EPHA6: variants seen among roughly 807,000 people sequenced by gnomAD.
The protein encoded by EPHA6 is EPH receptor A6.
Under a neutral mutation model 112.0 loss-of-function variants are expected in EPHA6, and 50 were observed. The ratio of observed to expected loss-of-function variants is 0.45; its 90% CI spans 0.36 to 0.56. The LOEUF is 0.56. Among genes scored for constraint, EPHA6 ranks in the 20% least tolerant of loss-of-function variants. EPHA6 has a pLI of 0.00. For synonymous variants in EPHA6, 529 were observed against 490.7 expected (o/e 1.08, Z -1.03); for missense variants, 1,280 against 1,417.4 (o/e 0.90, Z 1.56).
intron 5 of EPHA6, among the ~76,000 whole-genome samples, chr3:97,338,055 A>G (rs2083139928): frequency 6.6e-6 from 1 of 152,068 alleles, no homozygotes; most frequent in Non-Finnish European, 1.5e-5. Context: ...GAACTGGAGT[A>G]GTATGAAGAA....
chr3:96,919,855 TA>T (rs1191813363), intron 2 of EPHA6, among the ~76,000 whole-genome samples: 14 of 151,888 alleles, frequency 9.2e-5, no homozygotes, highest in African/African-American at 3.4e-4. Flanking sequence ...AAGGAGTGCA[TA>T]AAAGTCATAG....
intron 11 of EPHA6, among the ~76,000 whole-genome samples, chr3:97,541,183 A>T (rs1304905827): frequency 6.6e-6 from 1 of 152,194 alleles, no homozygotes; most frequent in Non-Finnish European, 1.5e-5. Flanking sequence ...ATTTAATCCA[A>T]TGATGACATT....
chr3:97,714,219 G>A (rs1299733352), intron 14 of EPHA6, among the ~76,000 whole-genome samples: 1 of 152,196 alleles, frequency 6.6e-6, no homozygotes, highest in Non-Finnish European at 1.5e-5. Flanking sequence ...CATAATTAAG[G>A]AAACAGATAA....
At chr3:96,890,515 C>T (rs949728825) in intron 2 of EPHA6, among the ~76,000 whole-genome samples, 1 of 152,054 alleles carries the variant, frequency 6.6e-6, no homozygotes, top group Non-Finnish European at 1.5e-5. Context: ...TTATGTGGTA[C>T]ATATAATATT....
At chr3:97,618,439 A>G (rs2093784574) in intron 13 of EPHA6, among the ~76,000 whole-genome samples, 1 of 151,612 alleles carries the variant, frequency 6.6e-6, no homozygotes, top group African/African-American at 2.4e-5. Flanking sequence ...GAGCTGGGCT[A>G]CAGAGAAATG....
intron 2 of EPHA6, among the ~76,000 whole-genome samples, chr3:96,926,352 G>A (rs2107643499): frequency 6.6e-6 from 1 of 152,212 alleles, no homozygotes; most frequent in African/African-American, 2.4e-5. Flanking sequence ...ATATATTTGG[G>A]TGGGGACACA....
At chr3:97,405,004 C>A in intron 5 of EPHA6, 146 bp from the exon 6 acceptor site, 1 of 834,262 alleles carries the variant, frequency 1.2e-6, no homozygotes, top group Non-Finnish European at 1.9e-6. Context: ...TAGAGCATAT[C>A]GTAAGGCTAT....
At chr3:97,248,810 CTT>C (rs900582006) in intron 5 of EPHA6, among the ~76,000 whole-genome samples, 1 of 152,060 alleles carries the variant, frequency 6.6e-6, no homozygotes, top group African/African-American at 2.4e-5. Context: ...TATTTATAAA[CTT>C]GAGATGTCTA....
chr3:97,586,727 T>TGGATAGAC (rs1553823571), intron 11 of EPHA6, among the ~76,000 whole-genome samples: 3 of 151,464 alleles, frequency 2.0e-5, no homozygotes, highest in African/African-American at 7.3e-5. Context: ...GATGGATGGA[T>TGGATAGAC]AGACAGACAG....
intron 3 of EPHA6, among the ~76,000 whole-genome samples, chr3:97,065,470 C>A (rs2046148398): frequency 6.6e-6 from 1 of 152,022 alleles, no homozygotes; most frequent in African/African-American, 2.4e-5. Flanking sequence ...ACTTACTCTT[C>A]AAAGAAAACC....
At chr3:97,272,318 GTGTGTGTGTGTGTGTACA>G (rs2079911946) in intron 5 of EPHA6, among the ~76,000 whole-genome samples, 1 of 148,864 alleles carries the variant, frequency 6.7e-6, no homozygotes, top group South Asian at 2.1e-4. Context: ...GTGTGTGTGT[GTGTGTGTGTGTGTGTACA>G]TACATATGCA....
At chr3:97,455,971 A>G (rs925357692) in intron 7 of EPHA6, among the ~76,000 whole-genome samples, 13 of 152,124 alleles carry the variant, frequency 8.5e-5, no homozygotes, top group Non-Finnish European at 8.8e-5. Flanking sequence ...AAAATATTAA[A>G]GATCATAACT....
chr3:97,429,618 C>A (rs771696249), intron 6 of EPHA6, among the ~76,000 whole-genome samples: 2 of 150,252 alleles, frequency 1.3e-5, no homozygotes, highest in African/African-American at 2.5e-5. Context: ...ATAGCATATT[C>A]GAAAGTTTAA....
intron 9 of EPHA6, 102 bp downstream of exon 9, chr3:97,479,466 A>T: frequency 1.4e-6 from 1 of 717,512 alleles, no homozygotes; most frequent in Non-Finnish European, 2.1e-6. Flanking sequence ...AGAAAAAAAA[A>T]ATCACTTCCA....
chr3:97,649,126 G>T (rs887214429), intron 14 of EPHA6, among the ~76,000 whole-genome samples: 6 of 152,056 alleles, frequency 3.9e-5, no homozygotes, highest in African/African-American at 1.2e-4. Flanking sequence ...GAGACTGGGT[G>T]ATTTATAAAG....
At chr3:97,745,615 C>T (rs1044974949) in intron 16 of EPHA6, 2 of 186,080 alleles carry the variant, frequency 1.1e-5, no homozygotes, top group Non-Finnish European at 2.2e-5. Flanking sequence ...GAATACAACC[C>T]CACCCTGTAA....
chr3:97,678,993 A>G (rs1372151992), intron 14 of EPHA6, among the ~76,000 whole-genome samples: 2 of 152,112 alleles, frequency 1.3e-5, no homozygotes, highest in Non-Finnish European at 2.9e-5. Flanking sequence ...TGTGATAACT[A>G]TATGCTTAGT....
intron 14 of EPHA6, among the ~76,000 whole-genome samples, chr3:97,718,800 C>G (rs1324016354): frequency 6.6e-6 from 1 of 152,136 alleles, no homozygotes; most frequent in East Asian, 1.9e-4. Flanking sequence ...TATGTGGTTA[C>G]AGAATCCCTG....
Position 97,748,896 on chromosome 3 carries a change from A to G in EPHA6, c.*195A>G. 1.8e-6 allele frequency: 1 copy of G among 547,324 alleles called. No homozygotes were observed. The highest frequency in any genetic ancestry group is 3.3e-6 in the Non-Finnish European group (1 of 303,214). 33.9% of individuals were successfully genotyped at this position (547,324 alleles called of 1,614,324 possible). The stretch of plus-strand genomic sequence containing the variant: ...ATGCTACATAAATCCGTTCTGAATA[A>G]CCTGCAACTAAAACCCTGGCCCACT... On this transcript the variant is annotated 3_prime_UTR_variant, in exon 18 of 18. Coordinates refer to ENST00000389672, the MANE Select transcript of EPHA6 (RefSeq NM_001080448.3).
Sources: allele counts gnomAD v4.1 joint callset (sites outside exome capture counted in the v4.1 genomes callset), GRCh38; gene constraint gnomAD v4.1.1; transcripts MANE v1.5; gene names NCBI Gene and HGNC (gene_info 2026-07-23, HGNC 2026-07-21).